Variants in SGPP1 observed in about 807,000 individuals in gnomAD.
The protein encoded by SGPP1 is hSPP1.
Under a neutral mutation model 33.0 loss-of-function variants are expected in SGPP1, and 21 were observed. The ratio of observed to expected loss-of-function variants is 0.64; its 90% CI spans 0.45 to 0.92. The LOEUF is 0.92. Among genes scored for constraint, SGPP1 ranks in the 40% least tolerant of loss-of-function variants. SGPP1 has a pLI of 0.00. For missense variants in SGPP1, 543 were observed against 589.4 expected (o/e 0.92, Z 0.81); for synonymous variants, 239 against 241.2 (o/e 0.99, Z 0.08).
intron 1 of SGPP1, among the ~76,000 whole-genome samples, chr14:63,701,230 C>T (rs1449836931): frequency 1.3e-5 from 2 of 152,166 alleles, no homozygotes; most frequent in African/African-American, 4.8e-5. Flanking sequence ...GCAATTCACC[C>T]GCCTTGGCCT....
intron 1 of SGPP1, among the ~76,000 whole-genome samples, chr14:63,720,115 C>A (rs1184829225): frequency 4.1e-5 from 6 of 144,916 alleles, no homozygotes; most frequent in African/African-American, 1.3e-4. Context: ...ACAGAGGGAG[C>A]CTGCATCTCA....
intron 1 of SGPP1, among the ~76,000 whole-genome samples, chr14:63,726,400 C>T (rs1271111354): frequency 1.3e-5 from 2 of 151,560 alleles, no homozygotes; most frequent in East Asian, 1.9e-4. Context: ...AAAATAAAAA[C>T]GATTACCATT....
At position 63,700,087 on chromosome 14, in the gene SGPP1, C is replaced by G. The variant is rs375800943; in HGVS notation, c.685-1429G>C. The stretch of plus-strand genomic sequence containing the variant: ...AAGCAATCCTCCTGCCTCAGCCTCC[C>G]GAGCAGCTAGGACTACAGATGGGTA... On this transcript the variant is annotated intron_variant, in intron 1 of 2. Coordinates refer to ENST00000247225, the MANE Select transcript of SGPP1 (RefSeq NM_030791.4). 7.4e-4 allele frequency among the ~76,000 whole-genome samples: 113 copies of G among 152,076 alleles called. 3 individuals are homozygous for G. Among genetic ancestry groups the G allele is most frequent in the African/African-American group, 2.4e-3 (99 of 41,490 alleles).
In SGPP1 at chr14:63,727,588, C is replaced by G. The variant is rs765084716; in HGVS notation, c.357G>C (p.Gln119His). Residue 119 changes from glutamine (Q) to histidine (H), a missense_variant, in exon 1 of 3, where the codon CAG (glutamine) becomes CAC (histidine). By Grantham distance (24) the Gln-to-His change is conservative. Coordinates refer to ENST00000247225, the MANE Select transcript of SGPP1 (RefSeq NM_030791.4). ...GCGGCCAGTTGCTCACGCGGGCCAG[C>G]TGGCCCTCCTCGCCCGTCAGCGAGT... is the stretch of plus-strand genomic sequence containing the variant. ...RRNSLTGEEGQLARVSNWPLY... is the reference protein window; with the variant it reads ...RRNSLTGEEGHLARVSNWPLY... 1 of 1,580,100 alleles carries G rather than the reference C, an allele frequency of 6.3e-7. No homozygotes were observed.
At chr14:63,719,200 T>C (rs1885718096) in intron 1 of SGPP1, among the ~76,000 whole-genome samples, 1 of 150,494 alleles carries the variant, frequency 6.6e-6, no homozygotes, top group South Asian at 2.1e-4. Context: ...CTAATTTTTG[T>C]ATTTTTAGTA....
At chr14:63,692,068 T>A (rs1373668323) in intron 2 of SGPP1, among the ~76,000 whole-genome samples, 1 of 152,242 alleles carries the variant, frequency 6.6e-6, no homozygotes, top group Non-Finnish European at 1.5e-5. Context: ...GCAGATGATA[T>A]ATAATTTATT....
intron 2 of SGPP1, among the ~76,000 whole-genome samples, chr14:63,688,721 TTTTC>T (rs1479973976): frequency 0.059 from 8,505 of 144,080 alleles, 483 homozygotes; most frequent in African/African-American, 0.17. Context: ...TTTCTTTTTT[TTTTC>T]TTTTTTTTTT....
rs112555787 is a variant in SGPP1, at chr14:63,693,390, G to A, written c.774+5179C>T. Among the ~76,000 whole-genome samples the A allele has an allele frequency of 8.2e-3, 1,245 of 152,208 alleles. 11 individuals are homozygous for A. Among genetic ancestry groups the A allele is most frequent in the African/African-American group, 0.028 (1,161 of 41,530 alleles). On this transcript the variant is annotated intron_variant, in intron 2 of 2. Coordinates refer to ENST00000247225, the MANE Select transcript of SGPP1 (RefSeq NM_030791.4). ...GATTTTGGCTACAAAAATAAAAGCT[G>A]TTGCTTTACTTTTTATCTTAAATTT...
In SGPP1 at chr14:63,722,921, G is replaced by A. The variant is rs111239990; in HGVS notation, c.684+4340C>T. 8.2e-3 allele frequency among the ~76,000 whole-genome samples: 1,242 copies of A among 150,764 alleles called. 11 individuals carry two copies. The highest frequency in any genetic ancestry group is 0.028 in the African/African-American group (1,156 of 40,988). ...TGGGAGGTCGAGGCTGCAGTGAGCCGGAATCGTGCCACTGTACTCCAGTCT... is the reference window on the plus strand; with the variant it reads ...TGGGAGGTCGAGGCTGCAGTGAGCCAGAATCGTGCCACTGTACTCCAGTCT... On this transcript the variant is annotated intron_variant, in intron 1 of 2. Coordinates refer to ENST00000247225, the MANE Select transcript of SGPP1 (RefSeq NM_030791.4).
chr14:63,727,727 C>T lies in SGPP1; in HGVS notation c.218G>A (p.Arg73His), dbSNP rs1254312840. 3 of 1,436,148 alleles carry T rather than the reference C, an allele frequency of 2.1e-6. No homozygotes were observed. The South Asian group carries it at 4.2e-5, about 20-fold the overall frequency. The allele number at this position is 1,436,148 out of a possible 1,614,324, so 89.0% of individuals were successfully genotyped here. ...PGGPQPPGSD[R>H]NQCPAKPDGG... The stretch of plus-strand genomic sequence containing the variant: ...GTCCGGCTTGGCCGGGCACTGATTG[C>T]GGTCGCTCCCGGGAGGCTGGGGGCC... The change falls in exon 1 of 3, where the codon CGC becomes CAC. Residue 73 changes from arginine to histidine, a missense_variant. By Grantham distance (29) the Arg-to-His change is conservative. Transcript: ENST00000247225.
chr14:63,701,682 A>T (rs1885302662), intron 1 of SGPP1, among the ~76,000 whole-genome samples: 1 of 152,132 alleles, frequency 6.6e-6, no homozygotes, highest in South Asian at 2.1e-4. Context: ...GGAGGCCACC[A>T]TAAGAAAACT....
chr14:63,725,839 C>A (rs1318403489), intron 1 of SGPP1, among the ~76,000 whole-genome samples: 1 of 152,100 alleles, frequency 6.6e-6, no homozygotes, highest in Non-Finnish European at 1.5e-5. Context: ...TTACAGAATC[C>A]TAAAAGTCTC....
intron 1 of SGPP1, among the ~76,000 whole-genome samples, chr14:63,699,728 G>GT (rs11346997): frequency 0.013 from 1,898 of 141,764 alleles, 13 homozygotes; most frequent in Middle Eastern, 0.019. Flanking sequence ...AGGCAGAGTT[G>GT]TTTTTTTTTT....
At chr14:63,697,235 C>T (rs1885205178) in intron 2 of SGPP1, among the ~76,000 whole-genome samples, 1 of 152,100 alleles carries the variant, frequency 6.6e-6, no homozygotes, top group South Asian at 2.1e-4. Context: ...GCACACACTG[C>T]CTCCCAACAA....
intron 1 of SGPP1, among the ~76,000 whole-genome samples, chr14:63,713,247 T>C (rs1885559251): frequency 6.6e-6 from 1 of 152,208 alleles, no homozygotes; most frequent in Non-Finnish European, 1.5e-5. Context: ...CTTTCATTAT[T>C]TGCTATTTCT....
chr14:63,689,723 G>A (rs935854130), intron 2 of SGPP1, among the ~76,000 whole-genome samples: 4 of 151,878 alleles, frequency 2.6e-5, no homozygotes, highest in Non-Finnish European at 5.9e-5. Flanking sequence ...TTAGAACCCC[G>A]GAGGTGGAGG....
At position 63,690,698 on chromosome 14, in the gene SGPP1, A is replaced by G. The variant is rs898181877; in HGVS notation, c.775-4042T>C. ...TTAAATGATGTACTACATGATAGATATAAGAAAATATTTTATTTATTTATT... is the reference window on the plus strand; with the variant it reads ...TTAAATGATGTACTACATGATAGATGTAAGAAAATATTTTATTTATTTATT... On this transcript the variant is annotated intron_variant, in intron 2 of 2. Coordinates refer to ENST00000247225, the MANE Select transcript of SGPP1 (RefSeq NM_030791.4). Among the ~76,000 whole-genome samples the G allele has an allele frequency of 2.0e-5, 3 of 152,318 alleles. No individual in the cohort carries two copies. The South Asian group carries it at 6.2e-4, about 32-fold the overall frequency.
intron 1 of SGPP1, among the ~76,000 whole-genome samples, chr14:63,705,014 C>T (rs1240954054): frequency 6.6e-6 from 1 of 151,770 alleles, no homozygotes; most frequent in Non-Finnish European, 1.5e-5. Flanking sequence ...GTAGTCCCAG[C>T]TACTTGGGAG....
chr14:63,727,246 G>C lies in SGPP1; in HGVS notation c.684+15C>G. 1.9e-6 allele frequency: 3 copies of C among 1,596,062 alleles called. No individual in the cohort carries two copies. Among genetic ancestry groups the C allele is most frequent in the African/African-American group, 1.3e-5 (1 of 74,724 alleles). On this transcript the variant is annotated intron_variant, in intron 1 of 2. Transcript: ENST00000247225. ...TGAACTCCCCCAGGCTGAACAGGAC[G>C]AGAAGGAACCCTACCTGCCAGCGGC... is the stretch of plus-strand genomic sequence containing the variant.
Sources: allele counts gnomAD v4.1 joint callset (sites outside exome capture counted in the v4.1 genomes callset), GRCh38; gene constraint gnomAD v4.1.1; transcripts MANE v1.5; gene names NCBI Gene and HGNC (gene_info 2026-07-23, HGNC 2026-07-21).